The following LGSN variants were observed in gnomAD, a reference collection of about 807,000 sequenced individuals.
LGSN encodes lengsin.
Under a neutral mutation model 19.5 loss-of-function variants are expected in LGSN, and 21 were observed. The observed-to-expected ratio is 1.07, with a 90% CI of 0.76 to 1.55. The LOEUF (loss-of-function observed/expected upper bound fraction) is 1.55, where lower values mean the gene tolerates loss of function less well. LGSN is among the 40% of genes most tolerant of loss of function. LGSN has a pLI of 0.00. For synonymous variants in LGSN, 257 were observed against 215.6 expected (o/e 1.19, Z -1.68); for missense variants, 673 against 608.5 (o/e 1.11, Z -1.12).
At chr6:63,384,221 A>G in the LGSN span, among the ~76,000 whole-genome samples, 3 of 152,184 alleles carry the variant, frequency 2.0e-5, no homozygotes, top group African/African-American at 7.2e-5. Flanking sequence ...TGCCACGAGA[A>G]CCAAGGAGGG....
intron 1 of LGSN, among the ~76,000 whole-genome samples, chr6:63,311,325 C>G (rs1768619435): frequency 6.6e-6 from 1 of 152,198 alleles, no homozygotes; most frequent in Admixed American, 6.5e-5. Context: ...ACTTAACTAA[C>G]TGAGATGTCT....
chr6:63,488,366 C>T, the LGSN span, among the ~76,000 whole-genome samples: 1 of 152,116 alleles, frequency 6.6e-6, no homozygotes, highest in Non-Finnish European at 1.5e-5. Flanking sequence ...GGTAATTTGC[C>T]CAGCATCCCA....
the LGSN span, among the ~76,000 whole-genome samples, chr6:63,422,769 C>T: frequency 3.0e-4 from 45 of 151,508 alleles, no homozygotes; most frequent in Admixed American, 3.0e-3. Context: ...TTCAAGTAAC[C>T]CCCAGGAAGA....
intron 1 of LGSN, among the ~76,000 whole-genome samples, chr6:63,301,741 T>A (rs1030609405): frequency 7.2e-5 from 11 of 152,188 alleles, no homozygotes; most frequent in African/African-American, 2.7e-4. Context: ...GTCCACCTTT[T>A]GAGTAAAATG....
chr6:63,570,569 C>T, the LGSN span, among the ~76,000 whole-genome samples: 10 of 152,324 alleles, frequency 6.6e-5, no homozygotes, highest in South Asian at 2.1e-3. Context: ...AGGCTCACAA[C>T]TTGTATCACA....
the LGSN span, among the ~76,000 whole-genome samples, chr6:63,401,823 G>A: frequency 6.6e-6 from 1 of 152,146 alleles, no homozygotes; most frequent in South Asian, 2.1e-4. Context: ...TTTTCTATTG[G>A]TCAGGATTAC....
At chr6:63,333,881 T>A in the LGSN span, among the ~76,000 whole-genome samples, 4 of 152,166 alleles carry the variant, frequency 2.6e-5, no homozygotes. Flanking sequence ...AACCATATGA[T>A]CATTTAAATA....
chr6:63,339,900 G>T, the LGSN span, among the ~76,000 whole-genome samples: 1 of 151,770 alleles, frequency 6.6e-6, no homozygotes, highest in African/African-American at 2.4e-5. Context: ...GCATTTATTT[G>T]CTTCCAGATG....
At chr6:63,359,584 T>G in the LGSN span, among the ~76,000 whole-genome samples, 1 of 152,216 alleles carries the variant, frequency 6.6e-6, no homozygotes, top group African/African-American at 2.4e-5. Context: ...GTTGAGGAAT[T>G]TATCCCTTTC....
the LGSN span, among the ~76,000 whole-genome samples, chr6:63,348,843 G>A: frequency 1.3e-5 from 2 of 148,764 alleles, no homozygotes; most frequent in African/African-American, 2.5e-5. Flanking sequence ...CTCCTGCCTC[G>A]CCTTCCTAAA....
the LGSN span, among the ~76,000 whole-genome samples, chr6:63,368,895 G>A: frequency 6.6e-6 from 1 of 152,176 alleles, no homozygotes; most frequent in Non-Finnish European, 1.5e-5. Flanking sequence ...CTAAAGAGAA[G>A]TTGACCAAAA....
At chr6:63,374,067 A>T in the LGSN span, among the ~76,000 whole-genome samples, 7 of 152,192 alleles carry the variant, frequency 4.6e-5, no homozygotes, top group Middle Eastern at 3.2e-3. Context: ...TGGTTATGTT[A>T]GAAAATGACC....
At chr6:63,322,560 C>T (rs76200153), upstream of LGSN, among the ~76,000 whole-genome samples, 5,047 of 152,204 alleles carry the variant, frequency 0.033, 286 homozygotes, top group African/African-American at 0.12. Flanking sequence ...TTATGACATA[C>T]CTAACAGGAA....
chr6:63,549,425 TC>T, the LGSN span: 4 of 751,526 alleles, frequency 5.3e-6, no homozygotes, highest in Non-Finnish European at 9.7e-6. Flanking sequence ...AACAGGGGAT[TC>T]ACCACTTTCT....
the LGSN span, among the ~76,000 whole-genome samples, chr6:63,336,155 T>C: frequency 2.0e-5 from 3 of 152,164 alleles, no homozygotes; most frequent in South Asian, 2.1e-4. Flanking sequence ...ATGTTGATAG[T>C]AGAGTAAGGT....
At chr6:63,437,814 C>T in the LGSN span, among the ~76,000 whole-genome samples, 1 of 152,084 alleles carries the variant, frequency 6.6e-6, no homozygotes, top group Non-Finnish European at 1.5e-5. Context: ...CCTGTAATCC[C>T]AGCTACTTGG....
chr6:63,461,168 AG>A, the LGSN span, among the ~76,000 whole-genome samples: 289 of 152,248 alleles, frequency 1.9e-3, 1 homozygote, highest in African/African-American at 5.4e-3. Flanking sequence ...CCCGGGCTCA[AG>A]CCTCCCGAGT....
At chr6:63,525,400 C>T in the LGSN span, among the ~76,000 whole-genome samples, 1 of 152,164 alleles carries the variant, frequency 6.6e-6, no homozygotes, top group Non-Finnish European at 1.5e-5. Context: ...AGGTGGAACA[C>T]ACTCCTTCCC....
At chr6:63,569,272 T>C in the LGSN span, among the ~76,000 whole-genome samples, 1 of 152,232 alleles carries the variant, frequency 6.6e-6, no homozygotes, top group South Asian at 2.1e-4. Context: ...TATTCTTTTT[T>C]TGAAATGAAG....
Sources: allele counts gnomAD v4.1 joint callset (sites outside exome capture counted in the v4.1 genomes callset), GRCh38; gene constraint gnomAD v4.1.1; transcripts MANE v1.5; gene names NCBI Gene and HGNC (gene_info 2026-07-23, HGNC 2026-07-21).